GALNT13: variants seen among roughly 807,000 people sequenced by gnomAD.
GALNT13 encodes the protein polypeptide N-acetylgalactosaminyltransferase 13.
A neutral mutation model predicts 64.2 loss-of-function variants in GALNT13; 28 were observed. That is an observed-to-expected ratio of 0.44 (90% confidence interval 0.32 to 0.60). The LOEUF (loss-of-function observed/expected upper bound fraction) is 0.60. Ranked by LOEUF, GALNT13 falls within the 20% of genes least tolerant of loss-of-function variation. GALNT13 has a pLI of 0.05. For synonymous variants in GALNT13, 214 were observed against 224.6 expected, an observed-to-expected ratio of 0.95 and a Z score of 0.42; for missense variants, 577 against 669.8, an observed-to-expected ratio of 0.86 and a Z score of 1.53.
chr2:153,808,906 T>G, the GALNT13 span, among the ~76,000 whole-genome samples: 3 of 152,240 alleles, frequency 2.0e-5, no homozygotes, highest in African/African-American at 7.2e-5. Flanking sequence ...AAACTCATAA[T>G]TCTGCTTATT....
intron 10 of GALNT13, among the ~76,000 whole-genome samples, chr2:154,406,984 AT>A (rs567375926): frequency 6.6e-6 from 1 of 152,276 alleles, no homozygotes; most frequent in South Asian, 2.1e-4. Flanking sequence ...TTTTGGAGCC[AT>A]TCTTAAAGGT....
At chr2:154,262,182 G>C (rs1014553479) in intron 8 of GALNT13, among the ~76,000 whole-genome samples, 2 of 152,118 alleles carry the variant, frequency 1.3e-5, no homozygotes, top group Admixed American at 6.5e-5. Flanking sequence ...GTGACTATTA[G>C]TATTTATAGT....
chr2:153,438,433 T>A, the GALNT13 span, among the ~76,000 whole-genome samples: 1 of 152,244 alleles, frequency 6.6e-6, no homozygotes, highest in Non-Finnish European at 1.5e-5. Context: ...TCCAACTTGA[T>A]TCCATTCTCC....
intron 3 of GALNT13, among the ~76,000 whole-genome samples, chr2:154,131,789 C>T (rs1482314141): frequency 6.6e-6 from 1 of 152,182 alleles, no homozygotes; most frequent in East Asian, 1.9e-4. Context: ...AATAGGCTGT[C>T]TGTAAGCTGA....
the GALNT13 span, among the ~76,000 whole-genome samples, chr2:153,079,374 T>C: frequency 3.9e-5 from 6 of 152,246 alleles, no homozygotes; most frequent in Non-Finnish European, 8.8e-5. Flanking sequence ...ATTCTGCTCA[T>C]AGCAGTTACA....
chr2:154,334,313 A>C (rs1162942056), intron 9 of GALNT13, among the ~76,000 whole-genome samples: 1 of 152,016 alleles, frequency 6.6e-6, no homozygotes. Flanking sequence ...TATAGGATGC[A>C]ATAGCATTCG....
intron 3 of GALNT13, among the ~76,000 whole-genome samples, chr2:153,957,385 C>T (rs1158314133): frequency 2.0e-5 from 3 of 152,192 alleles, no homozygotes; most frequent in Non-Finnish European, 2.9e-5. Context: ...GCAGTGGAGT[C>T]ACTGAAGAAA....
chr2:153,786,268 T>A, the GALNT13 span, among the ~76,000 whole-genome samples: 1 of 152,170 alleles, frequency 6.6e-6, no homozygotes, highest in South Asian at 2.1e-4. Context: ...CTAACAGTCC[T>A]TGGGATGGGG....
intron 8 of GALNT13, among the ~76,000 whole-genome samples, chr2:154,271,499 G>A (rs544595192): frequency 6.6e-6 from 1 of 152,002 alleles, no homozygotes; most frequent in African/African-American, 2.4e-5. Flanking sequence ...AGCTATGTCA[G>A]GAATAAGAAA....
the GALNT13 span, among the ~76,000 whole-genome samples, chr2:153,367,369 A>G: frequency 0.21 from 31,539 of 151,992 alleles, 3,557 homozygotes; most frequent in African/African-American, 0.29. Flanking sequence ...GTGATCAACT[A>G]AAAATGTTTT....
chr2:154,028,845 C>A (rs2105300594), intron 3 of GALNT13, among the ~76,000 whole-genome samples: 1 of 152,144 alleles, frequency 6.6e-6, no homozygotes, highest in African/African-American at 2.4e-5. Context: ...AGCATCACTT[C>A]TAGCTGTAGA....
chr2:153,422,744 TTACAG>T, the GALNT13 span, among the ~76,000 whole-genome samples: 1 of 151,970 alleles, frequency 6.6e-6, no homozygotes, highest in Admixed American at 6.6e-5. Flanking sequence ...AAAATACACT[TTACAG>T]AATAGATTCA....
chr2:153,447,693 A>T, the GALNT13 span, among the ~76,000 whole-genome samples: 2 of 152,162 alleles, frequency 1.3e-5, no homozygotes, highest in Non-Finnish European at 2.9e-5. Flanking sequence ...GCATTCTCTT[A>T]CTGTCAAAAA....
the GALNT13 span, among the ~76,000 whole-genome samples, chr2:153,326,547 T>G: frequency 3.9e-5 from 6 of 152,184 alleles, no homozygotes; most frequent in Admixed American, 1.3e-4. Context: ...GCTGGTTATT[T>G]TACCCATTAG....
In GALNT13 at chr2:154,438,588, T is replaced by A. The variant is rs762554110; in HGVS notation, c.1396-4T>A. On this transcript the variant is annotated splice_polypyrimidine_tract_variant and splice_region_variant and intron_variant, in intron 11 of 12. Coordinates refer to ENST00000392825, the MANE Select transcript of GALNT13 (RefSeq NM_052917.4). ...TTTTTTATTAGCTGAATTTATATTT[T>A]CAGGTATTTTCTTACACTGCTGACA... 6.2e-7 allele frequency: 1 copy of A among 1,604,800 alleles called. No individual in the cohort carries two copies. The highest frequency in any genetic ancestry group is 1.7e-5 in the Admixed American group (1 of 59,402).
intron 1 of GALNT13, among the ~76,000 whole-genome samples, chr2:153,880,810 C>G (rs1042509939): frequency 2.7e-5 from 4 of 149,858 alleles, no homozygotes; most frequent in Non-Finnish European, 4.4e-5. Context: ...TTTTAGTATT[C>G]TTTTTCTTTG....
intron 9 of GALNT13, among the ~76,000 whole-genome samples, chr2:154,341,166 G>A (rs1417482444): frequency 3.9e-5 from 6 of 151,974 alleles, no homozygotes; most frequent in Non-Finnish European, 7.4e-5. Context: ...AAATATACAG[G>A]CATGTACAAA....
chr2:153,457,070 G>A, the GALNT13 span, among the ~76,000 whole-genome samples: 1 of 152,290 alleles, frequency 6.6e-6, no homozygotes, highest in African/African-American at 2.4e-5. Context: ...TTGAGCAAGT[G>A]CTGACTTTCT....
intron 11 of GALNT13, among the ~76,000 whole-genome samples, chr2:154,426,139 C>T (rs1312665082): frequency 6.6e-6 from 1 of 152,196 alleles, no homozygotes; most frequent in Non-Finnish European, 1.5e-5. Context: ...GGGGATTCCT[C>T]TTCCAACCTC....
Sources: gnomAD v4.1 joint callset for allele counts (sites outside exome capture counted in the v4.1 genomes callset) on GRCh38, gnomAD v4.1.1 for gene constraint, MANE v1.5 for transcripts, NCBI Gene and HGNC (gene_info 2026-07-23, HGNC 2026-07-21) for gene names.